The following GBX1 variants were observed in gnomAD, a reference collection of about 807,000 sequenced individuals.
GBX1 encodes the protein homeobox protein GBX-1.
Under a neutral mutation model 22.9 loss-of-function variants are expected in GBX1, and 9 were observed. That is an observed-to-expected ratio of 0.39 (90% CI 0.24 to 0.69). The LOEUF (loss-of-function observed/expected upper bound fraction) is 0.69. Among genes scored for constraint, GBX1 ranks in the 30% least tolerant of loss-of-function variants. The pLI is 0.43. For missense variants in GBX1, 494 were observed against 509.2 expected (o/e 0.97, Z 0.29); for synonymous variants, 203 against 227.3 (o/e 0.89, Z 0.96).
chr7:151,161,749 G>GT (rs1801190463), intron 1 of GBX1, among the ~76,000 whole-genome samples: 1 of 152,138 alleles, frequency 6.6e-6, no homozygotes, highest in East Asian at 1.9e-4. Flanking sequence ...TATATTCATA[G>GT]TTGAAGTGAT....
chr7:151,156,385 C>CAAAAAAAAAAAA (rs56947735), intron 1 of GBX1, among the ~76,000 whole-genome samples: 4 of 15,930 alleles, frequency 2.5e-4, no homozygotes, highest in Non-Finnish European at 3.9e-4. Flanking sequence ...GACCCTGTCT[C>CAAAAAAAAAAAA]AAAAAAAAAA....
Position 151,167,530 on chromosome 7 carries a change from C to G in GBX1, c.19G>C (p.Gly7Arg). The G allele has an allele frequency of 2.1e-6, 3 of 1,463,074 alleles. No individual in the cohort carries two copies. The highest frequency in any genetic ancestry group is 1.8e-6 in the Non-Finnish European group (2 of 1,118,944). 90.6% of individuals were successfully genotyped at this position (1,463,074 alleles called of 1,614,324 possible). Residue 7 changes from glycine (G) to arginine (R), a missense_variant, in exon 1 of 2, where the codon GGT becomes CGT. Around this residue, in one of 3 missense-constraint regions of GBX1, gnomAD observed 365 missense variants for 340.4 expected, o/e 1.07. Transcript: ENST00000297537. This position sits in a 1 kb window ranked among gnomAD's most constrained non-coding sequence, Gnocchi z 5.9. MQRAGGGSAPGGNGGGG... is the reference protein window; with the variant it reads MQRAGGRSAPGGNGGGG... ...CCGCCGTTGCCCCCAGGGGCGCTAC[C>G]GCCTCCGGCCCGCTGCATCTTGTTC...
In GBX1 at chr7:151,167,476, A is replaced by G; in HGVS notation, c.73T>C (p.Phe25Leu). Residue 25 changes from phenylalanine (F) to leucine (L), a missense_variant, in exon 1 of 2, where the codon TTC (phenylalanine) becomes CTC (leucine). Coordinates refer to ENST00000297537, the MANE Select transcript of GBX1 (RefSeq NM_001098834.3). The surrounding 1 kb of genome is among the most constrained non-coding windows in gnomAD (Gnocchi z 5.9). ...GGGGGGPGTA[F>L]SIDSLIGPPP... ...GGCCCGATTAGGGAGTCGATGGAGA[A>G]GGCAGTGCCCGGGCCCCCGCCGCCG... The G allele has an allele frequency of 6.7e-7, 1 of 1,503,196 alleles. No homozygotes were observed. The highest frequency in any genetic ancestry group is 2.8e-5 in the East Asian group (1 of 36,188). The allele number at this position is 1,503,196 out of a possible 1,614,324, so 93.1% of individuals were successfully genotyped here. A position where few individuals can be genotyped will look rare whatever the true frequency, so the allele number is the denominator to read the frequency against.
Position 151,167,238 on chromosome 7 carries a change from G to C in GBX1, c.311C>G (p.Ala104Gly). 1.3e-6 allele frequency: 2 copies of C among 1,551,806 alleles called. No individual in the cohort carries two copies. Among genetic ancestry groups the C allele is most frequent in the Non-Finnish European group, 1.7e-6 (2 of 1,150,886 alleles). ...AVPSMVALTT[A>G]LPSFAEPPDA... ...GGGCGGCTCCGCGAAGCTGGGCAGCGCGGTGGTCAGCGCCACCATCGAGGG... is the reference window on the plus strand; with the variant it reads ...GGGCGGCTCCGCGAAGCTGGGCAGCCCGGTGGTCAGCGCCACCATCGAGGG... The change falls in exon 1 of 2, where the codon GCG becomes GGG. Residue 104 changes from alanine to glycine, a missense_variant. Around this residue, in one of 3 missense-constraint regions of GBX1, gnomAD observed 365 missense variants for 340.4 expected, o/e 1.07. Coordinates refer to ENST00000297537, the MANE Select transcript of GBX1 (RefSeq NM_001098834.3). This position sits in a 1 kb window ranked among gnomAD's most constrained non-coding sequence, Gnocchi z 5.9.
chr7:151,167,305 G>A lies in GBX1; in HGVS notation c.244C>T (p.Arg82Cys), dbSNP rs1269955691. The A allele has an allele frequency of 5.2e-6, 8 of 1,526,224 alleles. No individual in the cohort carries two copies. The African/African-American group carries it at 5.7e-5, about 11-fold the overall frequency. 94.5% of individuals were successfully genotyped at this position (1,526,224 alleles called of 1,614,324 possible). The part of the protein sequence containing the change: ...PLAPLASFAG[R>C]LTNTFCAGLG... Reference sequence around the variant, plus strand: ...CCCGCGCAGAAGGTGTTGGTAAGGCGGCCGGCGAAAGAGGCTAGCGGGGCG... The same window carrying A: ...CCCGCGCAGAAGGTGTTGGTAAGGCAGCCGGCGAAAGAGGCTAGCGGGGCG... Residue 82 changes from arginine (R) to cysteine (C), a missense_variant, in exon 1 of 2, where the codon CGC becomes TGC. Physicochemically the swap from Arg to Cys is radical, Grantham distance 180. Around this residue, in one of 3 missense-constraint regions of GBX1, gnomAD observed 365 missense variants for 340.4 expected, o/e 1.07. Transcript: ENST00000297537. This position sits in a 1 kb window ranked among gnomAD's most constrained non-coding sequence, Gnocchi z 5.9.
intron 1 of GBX1, among the ~76,000 whole-genome samples, chr7:151,154,217 AG>A (rs1250195922): frequency 6.6e-6 from 1 of 152,216 alleles, no homozygotes; most frequent in Admixed American, 6.5e-5. Flanking sequence ...GAAAAAAAAA[AG>A]TAAATTTCCA....
intron 1 of GBX1, among the ~76,000 whole-genome samples, chr7:151,153,605 T>A (rs555063201): frequency 6.6e-6 from 1 of 152,050 alleles, no homozygotes; most frequent in South Asian, 2.1e-4. Flanking sequence ...TGGAATGCAG[T>A]AGAGTAATCA....
intron 1 of GBX1, among the ~76,000 whole-genome samples, chr7:151,157,148 T>C (rs1484144673): frequency 2.6e-5 from 4 of 151,802 alleles, no homozygotes; most frequent in African/African-American, 9.7e-5. Flanking sequence ...ATACAAAAAT[T>C]AGCTGGGCAT....
chr7:151,166,849 G>A (rs1342880544), intron 1 of GBX1, among the ~76,000 whole-genome samples, 162 bp downstream of exon 1: 1 of 152,234 alleles, frequency 6.6e-6, no homozygotes, highest in African/African-American at 2.4e-5. Context: ...TAAAGAGGCT[G>A]TATTTGGAAC....
chr7:151,149,828 T>C (rs1443063007), intron 1 of GBX1: 1 of 440,246 alleles, frequency 2.3e-6, no homozygotes, highest in Non-Finnish European at 4.6e-6. Context: ...GCACCTTGAG[T>C]GTGGCCAGAT....
At chr7:151,161,727 T>G (rs748128785) in intron 1 of GBX1, among the ~76,000 whole-genome samples, 4 of 152,226 alleles carry the variant, frequency 2.6e-5, no homozygotes, top group Admixed American at 6.5e-5. Flanking sequence ...GAAACAACTA[T>G]GATTTTTGGC....
At chr7:151,156,900 G>T (rs374152452) in intron 1 of GBX1, among the ~76,000 whole-genome samples, 1 of 146,124 alleles carries the variant, frequency 6.8e-6, no homozygotes, top group African/African-American at 2.6e-5. Flanking sequence ...CAGGAGAATC[G>T]CTTGAACCCA....
At chr7:151,163,066 A>G (rs532939141) in intron 1 of GBX1, among the ~76,000 whole-genome samples, 4 of 152,172 alleles carry the variant, frequency 2.6e-5, no homozygotes, top group South Asian at 2.1e-4. Flanking sequence ...TCGGCCTCCC[A>G]AAGTGTTGGG....
Position 151,157,036 on chromosome 7 carries a change from G to A in GBX1, c.539-7894C>T, listed in dbSNP as rs567894989. 1.9e-4 allele frequency among the ~76,000 whole-genome samples: 28 copies of A among 143,746 alleles called. No homozygotes were observed. In the South Asian group the frequency reaches 3.1e-3, roughly 16 times the overall value. The allele number at this position is 143,746 out of a possible 152,430, so 94.3% of individuals were successfully genotyped here. A position where few individuals can be genotyped will look rare whatever the true frequency, so the allele number is the denominator to read the frequency against. On this transcript the variant is annotated intron_variant, in intron 1 of 1. Transcript: ENST00000297537. Reference sequence around the variant, plus strand: ...ATTTTCTAACTTTGAAAATAATAACGTCTGTAATCCCAGCACTTTGGGAGG... The same window carrying A: ...ATTTTCTAACTTTGAAAATAATAACATCTGTAATCCCAGCACTTTGGGAGG...
At position 151,149,025 on chromosome 7, in the gene GBX1, A is replaced by G; in HGVS notation, c.656T>C (p.Leu219Pro). ...SGGDSEDDGFLDSSAGGPGAL... is the reference protein window; with the variant it reads ...SGGDSEDDGFPDSSAGGPGAL... ...CCCTGGGCCCCCTGCAGAACTGTCC[A>G]GGAAACCGTCATCCTCGCTGTCACC... is the stretch of plus-strand genomic sequence containing the variant. The change falls in exon 2 of 2, where the codon CTG (leucine) becomes CCG (proline). Residue 219 changes from leucine to proline, a missense_variant. Physicochemically the swap from Leu to Pro is moderately conservative, Grantham distance 98. Transcript: ENST00000297537. 6.2e-7 allele frequency: 1 copy of G among 1,613,980 alleles called. No individual in the cohort carries two copies. The highest frequency in any genetic ancestry group is 8.5e-7 in the Non-Finnish European group (1 of 1,180,006).
intron 1 of GBX1, among the ~76,000 whole-genome samples, chr7:151,156,922 T>C (rs572560996): frequency 6.9e-6 from 1 of 144,922 alleles, no homozygotes; most frequent in East Asian, 2.0e-4. Flanking sequence ...GAGTCAGAGG[T>C]TGCAGTGAGC....
At chr7:151,161,642 A>C (rs1186497900) in intron 1 of GBX1, among the ~76,000 whole-genome samples, 1 of 152,260 alleles carries the variant, frequency 6.6e-6, no homozygotes, top group Non-Finnish European at 1.5e-5. Flanking sequence ...TCATTAAACA[A>C]GGTCCCTCCA....
At chr7:151,156,867 T>C (rs1288758895) in intron 1 of GBX1, among the ~76,000 whole-genome samples, 1 of 150,446 alleles carries the variant, frequency 6.6e-6, no homozygotes, top group South Asian at 2.1e-4. Flanking sequence ...CGCCTGTAAT[T>C]CCAGCTACTC....
At chr7:151,151,215 A>T (rs1801076249) in intron 1 of GBX1, among the ~76,000 whole-genome samples, 1 of 152,092 alleles carries the variant, frequency 6.6e-6, no homozygotes, top group Admixed American at 6.5e-5. Context: ...CAGTCTTCCC[A>T]TGCCACTCCT....
Sources: gnomAD v4.1 joint callset for allele counts (sites outside exome capture counted in the v4.1 genomes callset) on GRCh38, gnomAD v4.1.1 for gene constraint, gnomAD v4.1.1 regional missense constraint, Gnocchi (gnomAD v3.1) non-coding constraint, MANE v1.5 for transcripts, NCBI Gene and HGNC (gene_info 2026-07-23, HGNC 2026-07-21) for gene names.